GLRA3: variants seen among roughly 807,000 people sequenced by gnomAD.
GLRA3 encodes the protein glycine receptor alpha 3.
Under a neutral mutation model 60.4 loss-of-function variants are expected in GLRA3, and 44 were observed. That is an observed-to-expected ratio of 0.73 (90% CI 0.57 to 0.94). The LOEUF (loss-of-function observed/expected upper bound fraction) is 0.94. Ranked by LOEUF, GLRA3 falls within the 40% of genes least tolerant of loss-of-function variation. GLRA3 has a pLI of 0.00. For missense variants in GLRA3, 508 were observed against 564.6 expected, an observed-to-expected ratio of 0.90 and a Z score of 1.02; for synonymous variants, 223 against 192.9, an observed-to-expected ratio of 1.16 and a Z score of -1.29.
At chr4:174,724,424 TAGAC>T (rs2111121357) in intron 4 of GLRA3, among the ~76,000 whole-genome samples, 1 of 152,252 alleles carries the variant, frequency 6.6e-6, no homozygotes, top group South Asian at 2.1e-4. Flanking sequence ...GAAGGGCTAT[TAGAC>T]AGCTCGAAAT....
chr4:174,767,018 T>C lies in GLRA3; in HGVS notation c.212A>G (p.Asn71Ser). ...GTTGATGAATATGTTGCATGTGACA[T>C]TAACTGGAGGGCCTGAAAAAGAGAT... ...IRPNFKGPPV[N>S]VTCNIFINSF... Residue 71 changes from asparagine (N) to serine (S), a missense_variant, in exon 3 of 10, where the codon AAT becomes AGT. Coordinates refer to ENST00000274093, the MANE Select transcript of GLRA3 (RefSeq NM_006529.4). The C allele has an allele frequency of 6.3e-7, 1 of 1,595,580 alleles. No individual in the cohort carries two copies. Among genetic ancestry groups the C allele is most frequent in the Non-Finnish European group, 8.6e-7 (1 of 1,164,156 alleles).
chr4:174,639,399 TG>T lies in GLRA3; in HGVS notation c.*4386del. ...GTGTGTGTGTGTGTGTGTGTGTGTG[TG>T]TGTGTGTGTGAAAGAGAGAGAGAGA... On this transcript the variant is annotated 3_prime_UTR_variant, in exon 10 of 10. Coordinates refer to ENST00000274093, the MANE Select transcript of GLRA3 (RefSeq NM_006529.4). The T allele has an allele frequency of 7.3e-6, 1 of 136,876 alleles. No homozygotes were observed. Among genetic ancestry groups the T allele is most frequent in the Non-Finnish European group, 1.6e-5 (1 of 64,150 alleles). The allele number at this position is 136,876 out of a possible 1,614,324, so 8.5% of individuals were successfully genotyped here.
At chr4:174,746,043 A>T (rs1007288552) in intron 3 of GLRA3, among the ~76,000 whole-genome samples, 8 of 152,166 alleles carry the variant, frequency 5.3e-5, no homozygotes, top group African/African-American at 1.7e-4. Flanking sequence ...CACTCTTGGC[A>T]GGAATGTAAA....
intron 3 of GLRA3, among the ~76,000 whole-genome samples, chr4:174,750,207 C>A (rs1165687344): frequency 6.6e-6 from 1 of 151,970 alleles, no homozygotes; most frequent in Non-Finnish European, 1.5e-5. Context: ...AGTGCTAGAC[C>A]ATGGATTATG....
intron 2 of GLRA3, among the ~76,000 whole-genome samples, chr4:174,767,501 G>C (rs1231771078): frequency 3.3e-5 from 5 of 152,052 alleles, no homozygotes; most frequent in African/African-American, 1.2e-4. Flanking sequence ...GTTGTTGCTG[G>C]TTTTTCTTGC....
chr4:174,790,598 G>C (rs957709718), intron 1 of GLRA3, among the ~76,000 whole-genome samples: 3 of 151,624 alleles, frequency 2.0e-5, no homozygotes, highest in Admixed American at 1.3e-4. Flanking sequence ...TCAATTATCA[G>C]AAAATAAACT....
intron 6 of GLRA3, among the ~76,000 whole-genome samples, chr4:174,680,041 T>G (rs980465329): frequency 1.3e-5 from 2 of 152,234 alleles, no homozygotes; most frequent in African/African-American, 4.8e-5. Flanking sequence ...ATCTATGAGG[T>G]GATAGATGTC....
intron 3 of GLRA3, among the ~76,000 whole-genome samples, chr4:174,731,290 T>C (rs1418880784): frequency 6.6e-6 from 1 of 152,152 alleles, no homozygotes; most frequent in African/African-American, 2.4e-5. Flanking sequence ...ACCAATTATA[T>C]TAATTATTTT....
intron 6 of GLRA3, among the ~76,000 whole-genome samples, chr4:174,678,663 C>A (rs746935686): frequency 2.0e-5 from 3 of 152,026 alleles, no homozygotes; most frequent in African/African-American, 7.3e-5. Flanking sequence ...GGATTCCACT[C>A]TTAAGTGAAT....
intron 1 of GLRA3, among the ~76,000 whole-genome samples, chr4:174,802,452 A>G (rs560379578): frequency 6.6e-6 from 1 of 152,202 alleles, no homozygotes; most frequent in Non-Finnish European, 1.5e-5. Context: ...CCAACTGACT[A>G]CACGCTTTCT....
At chr4:174,785,901 C>G (rs557012953) in intron 2 of GLRA3, among the ~76,000 whole-genome samples, 2 of 151,376 alleles carry the variant, frequency 1.3e-5, no homozygotes, top group Non-Finnish European at 2.9e-5. Flanking sequence ...TCCCAAGAAG[C>G]CAGGACTAAA....
chr4:174,777,560 G>C (rs1216235932), intron 2 of GLRA3, among the ~76,000 whole-genome samples: 1 of 152,040 alleles, frequency 6.6e-6, no homozygotes, highest in Non-Finnish European at 1.5e-5. Context: ...GTGGGAGAGA[G>C]ATATACTCAT....
At chr4:174,819,263 A>G (rs1740638439) in intron 1 of GLRA3, among the ~76,000 whole-genome samples, 1 of 152,238 alleles carries the variant, frequency 6.6e-6, no homozygotes. Context: ...TGTAACAGAG[A>G]AAATTATTAT....
chr4:174,678,041 A>G (rs1734196913), intron 6 of GLRA3, among the ~76,000 whole-genome samples: 1 of 152,188 alleles, frequency 6.6e-6, no homozygotes, highest in South Asian at 2.1e-4. Context: ...GTGCTAGAGG[A>G]TAAACACAAT....
At chr4:174,717,225 A>AT (rs1181895494) in intron 4 of GLRA3, among the ~76,000 whole-genome samples, 1 of 149,090 alleles carries the variant, frequency 6.7e-6, no homozygotes, top group Non-Finnish European at 1.5e-5. Context: ...AAAAAAAAAA[A>AT]AAGAAAGGAA....
intron 2 of GLRA3, among the ~76,000 whole-genome samples, chr4:174,780,719 G>A (rs1340151139): frequency 6.6e-6 from 1 of 151,266 alleles, no homozygotes; most frequent in Admixed American, 6.6e-5. Context: ...GACAAAGAAG[G>A]CCATTACATA....
intron 5 of GLRA3, among the ~76,000 whole-genome samples, chr4:174,704,901 G>A (rs1156730988): frequency 7.0e-6 from 1 of 143,020 alleles, no homozygotes; most frequent in Non-Finnish European, 1.5e-5. Context: ...ACTCATATAA[G>A]CAAAATGTGG....
chr4:174,724,585 A>G (rs962354040), intron 4 of GLRA3, among the ~76,000 whole-genome samples: 1 of 152,114 alleles, frequency 6.6e-6, no homozygotes, highest in African/African-American at 2.4e-5. Context: ...AGGAAAGTCT[A>G]TTGTATTCAC....
chr4:174,822,056 G>C (rs1248118354), intron 1 of GLRA3, among the ~76,000 whole-genome samples: 5 of 152,148 alleles, frequency 3.3e-5, no homozygotes, highest in Non-Finnish European at 7.4e-5. Context: ...CCCCATGGGA[G>C]TTAAAATTTA....
Sources: allele counts gnomAD v4.1 joint callset (sites outside exome capture counted in the v4.1 genomes callset), GRCh38; gene constraint gnomAD v4.1.1; transcripts MANE v1.5; gene names NCBI Gene and HGNC (gene_info 2026-07-23, HGNC 2026-07-21).